The following RBM39 variants were observed in gnomAD, a reference collection of about 807,000 sequenced individuals.
The protein encoded by RBM39 is RNA-binding protein 39.
In RBM39, 12 loss-of-function variants were observed where a neutral mutation model predicts 79.6. The ratio of observed to expected loss-of-function variants is 0.15; its 90% CI spans 0.10 to 0.24. The LOEUF (loss-of-function observed/expected upper bound fraction) is 0.24. Ranked by LOEUF, RBM39 falls within the 10% of genes least tolerant of loss-of-function variation. The probability of loss-of-function intolerance (pLI) is 1.00; values close to 1 mark genes in which losing one functional copy is unlikely to be tolerated. For missense variants in RBM39, 243 were observed against 653.4 expected, an observed-to-expected ratio of 0.37 and a Z score of 6.85; for synonymous variants, 185 against 208.4, an observed-to-expected ratio of 0.89 and a Z score of 0.97.
At chr20:35,721,632 C>T in intron 9 of RBM39, 108 bp downstream of exon 9, 1 of 1,292,264 alleles carries the variant, frequency 7.7e-7, no homozygotes, top group Non-Finnish European at 1.1e-6. Context: ...AGCCCTTATC[C>T]TCTTAATATT....
intron 12 of RBM39, chr20:35,710,364 G>A (rs1176266308): frequency 1.3e-5 from 2 of 152,116 alleles, no homozygotes; most frequent in East Asian, 3.8e-4. Context: ...TTGAAGATAG[G>A]ACCATGTGAA....
chr20:35,739,587 A>T, intron 2 of RBM39: 1 of 462,482 alleles, frequency 2.2e-6, no homozygotes, highest in Non-Finnish European at 4.5e-6. Flanking sequence ...AGTAATGTTG[A>T]CTCCCAAGAA....
At chr20:35,732,169 G>A in intron 3 of RBM39, 34 bp from the exon 4 acceptor site, 1 of 1,598,484 alleles carries the variant, frequency 6.3e-7, no homozygotes, top group Non-Finnish European at 8.6e-7. Flanking sequence ...TATCATGCTG[G>A]CTTAAGAACC....
Position 35,729,443 on chromosome 20 carries a change from C to T in RBM39, c.362+19G>A. 1 of 1,611,514 alleles carries T rather than the reference C, an allele frequency of 6.2e-7. No individual in the cohort carries two copies. Among genetic ancestry groups the T allele is most frequent in the South Asian group, 1.1e-5 (1 of 90,726 alleles). ...TCCTTGAAAAACAATTTAAACAATT[C>T]AGAAGTATGTTTAAAAACCTTAATT... On this transcript the variant is annotated intron_variant, in intron 5 of 16. Transcript: ENST00000253363.
At chr20:35,740,008 T>C (rs1555908604) in intron 2 of RBM39, 1 of 157,848 alleles carries the variant, frequency 6.3e-6, no homozygotes, top group Non-Finnish European at 1.4e-5. Flanking sequence ...TTACTTTTAC[T>C]GAGATACCGA....
At chr20:35,741,098 G>A (rs1460221184) in intron 1 of RBM39, among the ~76,000 whole-genome samples, 1 of 125,150 alleles carries the variant, frequency 8.0e-6, no homozygotes, top group Non-Finnish European at 1.6e-5. Flanking sequence ...GCAGTAGCGC[G>A]ATCTCGGCTC....
intron 2 of RBM39, 74 bp from the exon 3 acceptor site, chr20:35,739,091 C>T: frequency 1.7e-6 from 2 of 1,198,072 alleles, no homozygotes; most frequent in Non-Finnish European, 1.2e-6. Context: ...GTAAAGGGAA[C>T]AGGAATAAGA....
chr20:35,724,785 G>C, intron 7 of RBM39, 63 bp from the exon 8 acceptor site: 2 of 1,547,218 alleles, frequency 1.3e-6, no homozygotes, highest in Non-Finnish European at 1.8e-6. Flanking sequence ...ATTATTTCAA[G>C]AGACACTGTT....
intron 2 of RBM39, chr20:35,739,421 G>C (rs1569084863): frequency 2.1e-6 from 1 of 471,702 alleles, no homozygotes; most frequent in South Asian, 1.5e-5. Flanking sequence ...TAAGCCCCAA[G>C]TGGCCATGCT....
In RBM39 at chr20:35,705,437, T is replaced by C. The variant is rs1600363041; in HGVS notation, c.1308-107A>G. On this transcript the variant is annotated intron_variant, in intron 14 of 16. Transcript: ENST00000253363. ...ATTCTATGAATTAAAAAAAATACTT[T>C]GGAAAAAAAGCACATTGACAGAACG... The C allele has an allele frequency of 7.4e-6, 5 of 679,222 alleles. No individual in the cohort carries two copies. In the South Asian group the frequency reaches 8.3e-5, roughly 11 times the overall value. The allele number at this position is 679,222 out of a possible 1,614,324, so 42.1% of individuals were successfully genotyped here.
chr20:35,722,668 T>C (rs1413396547), intron 8 of RBM39, among the ~76,000 whole-genome samples: 1 of 151,752 alleles, frequency 6.6e-6, no homozygotes, highest in African/African-American at 2.4e-5. Flanking sequence ...GTGCAGTGTC[T>C]CACGCCTGTA....
chr20:35,724,208 T>G (rs2038366147), intron 8 of RBM39, among the ~76,000 whole-genome samples: 1 of 152,022 alleles, frequency 6.6e-6, no homozygotes, highest in Non-Finnish European at 1.5e-5. Flanking sequence ...GGCAGGCTCC[T>G]GTAATCCCAG....
chr20:35,733,425 C>T (rs951981270), intron 3 of RBM39, among the ~76,000 whole-genome samples: 3 of 151,600 alleles, frequency 2.0e-5, no homozygotes, highest in East Asian at 1.9e-4. Context: ...CTAGTCGACA[C>T]GGTGAAAACC....
chr20:35,714,433 T>G (rs772566805), intron 10 of RBM39, 44 bp from the exon 11 acceptor site: 2 of 1,552,490 alleles, frequency 1.3e-6, no homozygotes, highest in South Asian at 1.2e-5. Context: ...TGCTTTAATT[T>G]TTAAAATACA....
rs1340440584 is a variant in RBM39, at chr20:35,704,028, A to T, written c.*453T>A. ...ATGCAAGATGAGATGCTAACCAAACAGCCCTTTAGCTGTCTTGTATTTCCA... is the reference window on the plus strand; with the variant it reads ...ATGCAAGATGAGATGCTAACCAAACTGCCCTTTAGCTGTCTTGTATTTCCA... On this transcript the variant is annotated 3_prime_UTR_variant, in exon 17 of 17. Coordinates refer to ENST00000253363, the MANE Select transcript of RBM39 (RefSeq NM_184234.3). The T allele has an allele frequency of 1.3e-5, 2 of 153,986 alleles. No homozygotes were observed. Among genetic ancestry groups the T allele is most frequent in the Non-Finnish European group, 2.9e-5 (2 of 68,918 alleles). The allele number at this position is 153,986 out of a possible 1,614,324, so 9.5% of individuals were successfully genotyped here.
rs200798957 is a variant in RBM39 at position 35,719,717 on chromosome 20, TAATAAA to T, written c.825+2017_825+2022del. ...TAGTTTGACAAATCAGACTCTAGAG[TAATAAA>T]AATAATTTAAATATCAACTGTTTCC... On this transcript the variant is annotated intron_variant, in intron 9 of 16. Coordinates refer to ENST00000253363, the MANE Select transcript of RBM39 (RefSeq NM_184234.3). Among the ~76,000 whole-genome samples, 965 of 152,236 alleles carry T rather than the reference TAATAAA, an allele frequency of 6.3e-3. 7 individuals carry two copies. Among genetic ancestry groups the T allele is most frequent in the East Asian group, 0.04 (209 of 5,174 alleles).
intron 4 of RBM39, 94 bp downstream of exon 4, chr20:35,731,847 A>T (rs1158799917): frequency 1.7e-6 from 2 of 1,166,526 alleles, no homozygotes; most frequent in Non-Finnish European, 2.5e-6. Flanking sequence ...CATTAAAAAA[A>T]TAAAAATTCA....
intron 3 of RBM39, among the ~76,000 whole-genome samples, chr20:35,735,240 T>G (rs992372749): frequency 1.3e-5 from 2 of 152,218 alleles, no homozygotes; most frequent in African/African-American, 4.8e-5. Context: ...ATTTAGACTT[T>G]GCAAAACTGG....
intron 6 of RBM39, 59 bp from the exon 7 acceptor site, chr20:35,725,214 C>A (rs929743554): frequency 1.6e-6 from 2 of 1,216,640 alleles, no homozygotes; most frequent in South Asian, 1.4e-5. Flanking sequence ...TAATTTTTAT[C>A]TTTTTTATTT....
Sources: gnomAD v4.1 joint callset for allele counts (sites outside exome capture counted in the v4.1 genomes callset) on GRCh38, gnomAD v4.1.1 for gene constraint, MANE v1.5 for transcripts, NCBI Gene and HGNC (gene_info 2026-07-23, HGNC 2026-07-21) for gene names.